TSNARE1: variants seen among roughly 807,000 people sequenced by gnomAD.
TSNARE1 encodes the protein t-SNARE domain-containing protein 1.
In TSNARE1, 49 loss-of-function variants were observed where a neutral mutation model predicts 62.0. That is an observed-to-expected ratio of 0.79 (90% CI 0.63 to 1.00). The LOEUF (loss-of-function observed/expected upper bound fraction) is 1.00, where lower values mean the gene tolerates loss of function less well. Ranked by LOEUF, TSNARE1 falls within the 50% of genes least tolerant of loss-of-function variation. The probability of loss-of-function intolerance (pLI) is 0.00; values close to 1 mark genes in which losing one functional copy is unlikely to be tolerated. For missense variants in TSNARE1, 755 were observed against 700.1 expected (o/e 1.08, Z -0.88); for synonymous variants, 328 against 294.4 (o/e 1.11, Z -1.17).
At chr8:142,214,634 G>T (rs1172392520) in intron 13 of TSNARE1, among the ~76,000 whole-genome samples, 1 of 152,142 alleles carries the variant, frequency 6.6e-6, no homozygotes, top group Non-Finnish European at 1.5e-5. Context: ...TCCAGCCCCT[G>T]CTACGGTCTG....
chr8:142,382,609 G>T (rs1389824506), intron 1 of TSNARE1, among the ~76,000 whole-genome samples: 1 of 152,170 alleles, frequency 6.6e-6, no homozygotes, highest in Non-Finnish European at 1.5e-5. Context: ...TCTGGCCATG[G>T]GGTGGCCAGG....
intron 2 of TSNARE1, among the ~76,000 whole-genome samples, chr8:142,347,222 G>A (rs1833489280): frequency 6.6e-6 from 1 of 152,266 alleles, no homozygotes. Context: ...GTAGATCAGA[G>A]TCAGAAGACA....
intron 9 of TSNARE1, among the ~76,000 whole-genome samples, chr8:142,307,157 T>C (rs1224749131): frequency 6.6e-6 from 1 of 152,164 alleles, no homozygotes; most frequent in East Asian, 1.9e-4. Context: ...CTCACTCTTT[T>C]GGCTGCTGTA....
chr8:142,273,838 AC>A, intron 12 of TSNARE1: 1 of 984,510 alleles, frequency 1.0e-6, no homozygotes, highest in Non-Finnish European at 1.2e-6. Context: ...GCAACTGAGG[AC>A]CCTCTGCGGG....
chr8:142,334,819 C>T (rs369480542), intron 4 of TSNARE1, among the ~76,000 whole-genome samples: 1 of 152,070 alleles, frequency 6.6e-6, no homozygotes, highest in Non-Finnish European at 1.5e-5. Flanking sequence ...GACGGAAAAA[C>T]CTGCAACTAG....
At chr8:142,213,657 G>T (rs560723053) in intron 13 of TSNARE1, among the ~76,000 whole-genome samples, 10 of 152,306 alleles carry the variant, frequency 6.6e-5, no homozygotes, top group African/African-American at 2.4e-4. Flanking sequence ...TGGGGAGGGG[G>T]CCCCTCAGGA....
intron 11 of TSNARE1, among the ~76,000 whole-genome samples, chr8:142,283,015 C>A (rs1182192848): frequency 1.4e-5 from 2 of 145,126 alleles, no homozygotes; most frequent in Non-Finnish European, 3.0e-5. Flanking sequence ...TGAGCAGAGG[C>A]GGGGTCAGTG....
intron 2 of TSNARE1, among the ~76,000 whole-genome samples, chr8:142,350,922 G>A (rs1198416413): frequency 1.3e-5 from 2 of 152,244 alleles, no homozygotes; most frequent in Non-Finnish European, 2.9e-5. Flanking sequence ...GAGGCTCCAC[G>A]TTAAACGGCA....
intron 12 of TSNARE1, among the ~76,000 whole-genome samples, chr8:142,254,719 G>A (rs1387303448): frequency 6.6e-6 from 1 of 152,222 alleles, no homozygotes; most frequent in Non-Finnish European, 1.5e-5. Context: ...CCTGCCAGCT[G>A]CATGATGGGG....
At chr8:142,249,344 C>G (rs1256241298) in intron 12 of TSNARE1, among the ~76,000 whole-genome samples, 1 of 152,138 alleles carries the variant, frequency 6.6e-6, no homozygotes, top group African/African-American at 2.4e-5. Flanking sequence ...ACAGGAAGGG[C>G]CACCGGGAAG....
chr8:142,227,238 T>C (rs565850619), intron 13 of TSNARE1, among the ~76,000 whole-genome samples: 1 of 133,672 alleles, frequency 7.5e-6, no homozygotes, highest in Admixed American at 7.6e-5. Flanking sequence ...AGGCCCTACA[T>C]CCTGCCCACA....
At chr8:142,328,967 G>C (rs1288000473) in intron 6 of TSNARE1, among the ~76,000 whole-genome samples, 1 of 152,174 alleles carries the variant, frequency 6.6e-6, no homozygotes, top group Non-Finnish European at 1.5e-5. Context: ...CCTGAGACTG[G>C]GTCCCTCCTA....
chr8:142,359,005 T>A (rs1181226717), intron 1 of TSNARE1, among the ~76,000 whole-genome samples: 1 of 151,670 alleles, frequency 6.6e-6, no homozygotes, highest in Non-Finnish European at 1.5e-5. Flanking sequence ...CAGCCTCAGC[T>A]CTTGCTGCGC....
At chr8:142,397,412 C>T (rs1837968023) in intron 1 of TSNARE1, among the ~76,000 whole-genome samples, 1 of 152,188 alleles carries the variant, frequency 6.6e-6, no homozygotes. Context: ...CAATGCTGCC[C>T]ACCTCCCAGG....
At chr8:142,392,919 G>A (rs1209368941) in intron 1 of TSNARE1, among the ~76,000 whole-genome samples, 2 of 146,856 alleles carry the variant, frequency 1.4e-5, no homozygotes, top group Non-Finnish European at 3.0e-5. Flanking sequence ...CAGCCTGAGC[G>A]AAACTCCGTC....
intron 1 of TSNARE1, among the ~76,000 whole-genome samples, chr8:142,399,325 A>G (rs1446091864): frequency 6.6e-6 from 1 of 152,108 alleles, no homozygotes; most frequent in Non-Finnish European, 1.5e-5. Flanking sequence ...GCAAATCCCC[A>G]TCGGGCATTC....
chr8:142,326,940 T>C (rs977104782), intron 6 of TSNARE1, among the ~76,000 whole-genome samples: 4 of 152,142 alleles, frequency 2.6e-5, no homozygotes, highest in African/African-American at 9.7e-5. Context: ...CCCACTAGGA[T>C]AGCCACATCC....
At chr8:142,279,814 G>A (rs1407986698) in intron 11 of TSNARE1, 1 of 967,978 alleles carries the variant, frequency 1.0e-6, no homozygotes, top group Non-Finnish European at 1.2e-6. Flanking sequence ...GCTTGCCCCA[G>A]GGCAGTGTGG....
chr8:142,219,026 TC>T (rs1309526033), intron 13 of TSNARE1, among the ~76,000 whole-genome samples: 16 of 152,156 alleles, frequency 1.1e-4, no homozygotes, highest in Admixed American at 6.5e-5. Context: ...CCCTGGGGAT[TC>T]CTCCTTGTGT....
Sources: gnomAD v4.1 joint callset for allele counts (sites outside exome capture counted in the v4.1 genomes callset) on GRCh38, gnomAD v4.1.1 for gene constraint, MANE v1.5 for transcripts, NCBI Gene and HGNC (gene_info 2026-07-23, HGNC 2026-07-21) for gene names.